Variants in CEP70 observed in about 807,000 individuals in gnomAD.
CEP70 encodes the protein centrosomal protein of 70 kDa.
Under a neutral mutation model 90.9 loss-of-function variants are expected in CEP70, and 70 were observed. The ratio of observed to expected loss-of-function variants is 0.77; its 90% CI spans 0.64 to 0.94. The LOEUF (loss-of-function observed/expected upper bound fraction) is 0.94, where lower values mean the gene tolerates loss of function less well. Ranked by LOEUF, CEP70 falls within the 40% of genes least tolerant of loss-of-function variation. The pLI is 0.00. For synonymous variants in CEP70, 220 were observed against 228.3 expected (o/e 0.96, Z 0.33); for missense variants, 648 against 669.0 (o/e 0.97, Z 0.35).
intron 17 of CEP70, chr3:138,497,289 A>G: frequency 7.9e-7 from 1 of 1,268,860 alleles, no homozygotes; most frequent in Non-Finnish European, 1.0e-6. Flanking sequence ...TTATTTTCAT[A>G]CCAAGCTTCA....
chr3:138,572,851 A>C lies in CEP70; in HGVS notation c.69+8T>G, dbSNP rs530070080. 64 of 1,562,678 alleles carry C rather than the reference A, an allele frequency of 4.1e-5. No homozygotes were observed. In the South Asian group the frequency reaches 5.6e-4, roughly 14 times the overall value. ...GAGAAGCAGTGTCTTAAAATATTTT[A>C]AGTTTACCTGTTTTTCAGTCATGAG... On this transcript the variant is annotated splice_region_variant and intron_variant, in intron 3 of 17. Transcript: ENST00000264982.
chr3:138,536,339 T>C (rs2038263687), intron 7 of CEP70, among the ~76,000 whole-genome samples: 2 of 152,048 alleles, frequency 1.3e-5, no homozygotes, highest in South Asian at 4.1e-4. Context: ...TAATGAATAG[T>C]TTTGATTTTG....
At chr3:138,500,371 G>A (rs1173619555) in intron 15 of CEP70, 28 bp downstream of exon 15, 1 of 1,550,558 alleles carries the variant, frequency 6.4e-7, no homozygotes, top group Non-Finnish European at 8.7e-7. Flanking sequence ...CTTAAATGGG[G>A]GCCCAAAATG....
At chr3:138,546,424 C>T (rs1474944667) in intron 6 of CEP70, among the ~76,000 whole-genome samples, 1 of 152,110 alleles carries the variant, frequency 6.6e-6, no homozygotes, top group Non-Finnish European at 1.5e-5. Flanking sequence ...AGCTTCTATC[C>T]CTCAGTATCC....
intron 6 of CEP70, 102 bp downstream of exon 6, chr3:138,570,216 A>G: frequency 1.4e-6 from 1 of 710,560 alleles, no homozygotes; most frequent in Non-Finnish European, 2.2e-6. Context: ...TAAGCCAAAA[A>G]AGGTAAAAAC....
intron 2 of CEP70, among the ~76,000 whole-genome samples, chr3:138,576,529 A>T (rs1052540356): frequency 6.6e-6 from 1 of 152,214 alleles, no homozygotes; most frequent in African/African-American, 2.4e-5. Context: ...TACTGTCAAT[A>T]TGAGACAGAT....
chr3:138,583,718 T>C (rs1472940329), intron 2 of CEP70, among the ~76,000 whole-genome samples: 2 of 152,112 alleles, frequency 1.3e-5, no homozygotes, highest in Non-Finnish European at 2.9e-5. Flanking sequence ...AGTGGGTCAA[T>C]GAAGAGATTA....
intron 1 of CEP70, among the ~76,000 whole-genome samples, chr3:138,592,740 AT>A (rs963721319): frequency 9.0e-5 from 13 of 144,896 alleles, no homozygotes; most frequent in Admixed American, 4.3e-4. Flanking sequence ...AAATTTAATT[AT>A]TTTTTTCACC....
At chr3:138,573,381 A>G (rs998393636) in intron 2 of CEP70, among the ~76,000 whole-genome samples, 5 of 137,334 alleles carry the variant, frequency 3.6e-5, no homozygotes, top group African/African-American at 1.1e-4. Flanking sequence ...GGGATACAGT[A>G]AAAAAAAAAA....
At chr3:138,543,495 G>C (rs946742868) in intron 6 of CEP70, among the ~76,000 whole-genome samples, 6 of 152,186 alleles carry the variant, frequency 3.9e-5, no homozygotes, top group Non-Finnish European at 5.9e-5. Context: ...CAAGCCTGAG[G>C]GGGCAGGGGG....
intron 13 of CEP70, among the ~76,000 whole-genome samples, chr3:138,501,482 A>G (rs72976669): frequency 6.6e-6 from 1 of 151,974 alleles, no homozygotes; most frequent in African/African-American, 2.4e-5. Flanking sequence ...TCTCTAAACT[A>G]TTTTCTGTTT....
rs143369039 is a variant in CEP70 at position 138,494,479 on chromosome 3, C to G, written c.*536G>C. 1 of 152,220 alleles carries G rather than the reference C, an allele frequency of 6.6e-6. No individual in the cohort carries two copies. The allele number at this position is 152,220 out of a possible 1,614,324, so 9.4% of individuals were successfully genotyped here. On this transcript the variant is annotated 3_prime_UTR_variant, in exon 18 of 18. Coordinates refer to ENST00000264982, the MANE Select transcript of CEP70 (RefSeq NM_024491.4). ...TCCATTTTACCCTATGATTCATTTC[C>G]TACCCTAACAGAAATGATGAAACAG...
intron 2 of CEP70, among the ~76,000 whole-genome samples, chr3:138,574,629 G>A (rs1399099474): frequency 6.6e-6 from 1 of 152,204 alleles, no homozygotes; most frequent in Non-Finnish European, 1.5e-5. Context: ...AGAACGGACA[G>A]ACTGCCTACT....
chr3:138,516,584 C>T (rs1045796092), intron 11 of CEP70, among the ~76,000 whole-genome samples: 1 of 152,158 alleles, frequency 6.6e-6, no homozygotes, highest in Non-Finnish European at 1.5e-5. Flanking sequence ...CAAGGACTCA[C>T]TACATTGCCC....
intron 17 of CEP70, chr3:138,496,561 T>C: frequency 1.0e-6 from 1 of 985,424 alleles, no homozygotes; most frequent in Non-Finnish European, 1.2e-6. Flanking sequence ...GCAAAGGACC[T>C]TGGCCGATAT....
At chr3:138,578,730 A>T (rs1007069334) in intron 2 of CEP70, among the ~76,000 whole-genome samples, 1 of 152,234 alleles carries the variant, frequency 6.6e-6, no homozygotes, top group African/African-American at 2.4e-5. Context: ...ACCATTATAA[A>T]AGTTCAGAAA....
chr3:138,500,752 C>T lies in CEP70; in HGVS notation c.1351G>A (p.Val451Ile). The T allele has an allele frequency of 6.3e-7, 1 of 1,594,778 alleles. No homozygotes were observed. Among genetic ancestry groups the T allele is most frequent in the South Asian group, 1.2e-5 (1 of 86,664 alleles). The change falls in exon 14 of 18, where the codon GTT becomes ATT. Residue 451 changes from valine to isoleucine, a missense_variant. Transcript: ENST00000264982. ...GGTATTACCTTTTCCTTATTTTCAACTTCTTCCAGCATAGTATCTACTATA... is the reference window on the plus strand; with the variant it reads ...GGTATTACCTTTTCCTTATTTTCAATTTCTTCCAGCATAGTATCTACTATA... Reference protein sequence around the residue: ...LFIVDTMLEEVENKEKDSNMP... With the variant: ...LFIVDTMLEEIENKEKDSNMP...
intron 6 of CEP70, among the ~76,000 whole-genome samples, chr3:138,560,193 G>A (rs2108037655): frequency 6.6e-6 from 1 of 152,292 alleles, no homozygotes; most frequent in African/African-American, 2.4e-5. Context: ...GTTGGACAGT[G>A]GGTACAGCCC....
At chr3:138,512,016 G>T (rs1447427786) in intron 11 of CEP70, among the ~76,000 whole-genome samples, 1 of 152,138 alleles carries the variant, frequency 6.6e-6, no homozygotes, top group African/African-American at 2.4e-5. Flanking sequence ...ACAATAATTG[G>T]TGCCTCAGGA....
Sources: allele counts gnomAD v4.1 joint callset (sites outside exome capture counted in the v4.1 genomes callset), GRCh38; gene constraint gnomAD v4.1.1; transcripts MANE v1.5; gene names NCBI Gene and HGNC (gene_info 2026-07-23, HGNC 2026-07-21).